Variants in PHGDH observed in about 807,000 individuals in gnomAD.
The protein encoded by PHGDH is D-3-phosphoglycerate dehydrogenase.
Under a neutral mutation model 52.6 loss-of-function variants are expected in PHGDH, and 50 were observed. The ratio of observed to expected loss-of-function variants is 0.95; its 90% CI spans 0.76 to 1.20. PHGDH has a LOEUF of 1.20. PHGDH is among the 50% of genes most tolerant of loss of function. The pLI is 0.00. For synonymous variants in PHGDH, 271 were observed against 280.5 expected (o/e 0.97, Z 0.34); for missense variants, 630 against 684.6 (o/e 0.92, Z 0.89).
chr1:119,734,192 A>G (rs1013469442), intron 5 of PHGDH: 11 of 316,482 alleles, frequency 3.5e-5, no homozygotes, highest in Non-Finnish European at 6.7e-5. Context: ...TCCGCTCCCT[A>G]CATGACTGCC....
chr1:119,741,187 G>A (rs1047696481), intron 9 of PHGDH, among the ~76,000 whole-genome samples: 11 of 152,152 alleles, frequency 7.2e-5, no homozygotes, highest in African/African-American at 1.7e-4. Context: ...CCTTAACCCT[G>A]TAGACGTGTA....
intron 1 of PHGDH, 136 bp from the exon 2 acceptor site, chr1:119,721,032 CTA>C: frequency 1.2e-6 from 1 of 823,220 alleles, no homozygotes; most frequent in Non-Finnish European, 2.2e-6. Context: ...CCAAAGATAT[CTA>C]TGAACTGGCA....
chr1:119,724,320 C>A (rs1651299968), intron 3 of PHGDH: 1 of 194,662 alleles, frequency 5.1e-6, no homozygotes, highest in Non-Finnish European at 1.1e-5. Context: ...TCTACTCAGG[C>A]CTGAAACCTT....
chr1:119,736,910 C>T (rs1651963879), intron 7 of PHGDH, among the ~76,000 whole-genome samples: 1 of 152,262 alleles, frequency 6.6e-6, no homozygotes, highest in African/African-American at 2.4e-5. Context: ...ATCTGGTTCA[C>T]ACTTTGTGCT....
At chr1:119,712,483 C>T in intron 1 of PHGDH, 1 of 377,156 alleles carries the variant, frequency 2.7e-6, no homozygotes, top group South Asian at 2.2e-5. Flanking sequence ...CAGCGCGGCG[C>T]CCCAGCGCCT....
At chr1:119,725,196 G>A (rs1651352207) in intron 3 of PHGDH, among the ~76,000 whole-genome samples, 2 of 152,304 alleles carry the variant, frequency 1.3e-5, no homozygotes, top group South Asian at 4.2e-4. Flanking sequence ...TTTAATTATT[G>A]TGAGGACCCT....
Position 119,734,755 on chromosome 1 carries a change from C to G in PHGDH, c.632C>G (p.Pro211Arg). 1 of 1,614,160 alleles carries G rather than the reference C, an allele frequency of 6.2e-7. No individual in the cohort carries two copies. Among genetic ancestry groups the G allele is most frequent in the Non-Finnish European group, 8.5e-7 (1 of 1,180,026 alleles). Residue 211 changes from proline (P) to arginine (R), a missense_variant, in exon 6 of 12, where the codon CCC becomes CGC. Coordinates refer to ENST00000641023, the MANE Select transcript of PHGDH (RefSeq NM_006623.4). The part of the protein sequence containing the change: ...DFITVHTPLL[P>R]STTGLLNDNT... The stretch of plus-strand genomic sequence containing the variant: ...ATCACTGTGCACACTCCTCTCCTGC[C>G]CTCCACGACAGGTAGGTGTGTCCTT...
chr1:119,720,849 G>T (rs1651116186), intron 1 of PHGDH: 2 of 391,100 alleles, frequency 5.1e-6, no homozygotes, highest in East Asian at 6.0e-5. Flanking sequence ...CATCCAGGCT[G>T]CAGGCATCAT....
chr1:119,721,136 G>A, intron 1 of PHGDH, 34 bp from the exon 2 acceptor site: 9 of 1,610,482 alleles, frequency 5.6e-6, no homozygotes, highest in Non-Finnish European at 7.6e-6. Context: ...CTCACAGAAT[G>A]ACTTTCTGGA....
At chr1:119,735,028 G>T in intron 6 of PHGDH, 1 of 621,410 alleles carries the variant, frequency 1.6e-6, no homozygotes, top group Non-Finnish European at 2.8e-6. Flanking sequence ...CCCCTGCAGG[G>T]CTTTCTGATT....
At chr1:119,714,967 A>T (rs1042670550) in intron 1 of PHGDH, among the ~76,000 whole-genome samples, 4 of 152,250 alleles carry the variant, frequency 2.6e-5, no homozygotes, top group African/African-American at 9.6e-5. Flanking sequence ...CAGTCAAAAA[A>T]GTTTGGAAAA....
intron 5 of PHGDH, chr1:119,734,372 T>A: frequency 2.2e-6 from 1 of 452,262 alleles, no homozygotes; most frequent in South Asian, 2.0e-5. Context: ...TTCCCTCAGC[T>A]CTCAAGCAGA....
chr1:119,723,438 C>T lies in PHGDH; in HGVS notation c.353C>T (p.Ala118Val), dbSNP rs780272429. ...ACTTGTGGAATGATCATGTGCCTGGCCAGGTAAGTCCCTGACTTCTCAGCA... is the reference window on the plus strand; with the variant it reads ...ACTTGTGGAATGATCATGTGCCTGGTCAGGTAAGTCCCTGACTTCTCAGCA... ...ELTCGMIMCL[A>V]RQIPQATASM... The change falls in exon 3 of 12, where the codon GCC becomes GTC. Residue 118 changes from alanine to valine, a missense_variant. Transcript: ENST00000641023. The T allele has an allele frequency of 1.6e-5, 26 of 1,611,552 alleles. No individual in the cohort carries two copies. In the East Asian group the frequency reaches 5.4e-4, roughly 33 times the overall value.
chr1:119,742,387 C>T, intron 10 of PHGDH: 1 of 374,100 alleles, frequency 2.7e-6, no homozygotes, highest in Non-Finnish European at 5.0e-6. Context: ...TGGGAGCTGG[C>T]AGAAGGGATA....
At chr1:119,721,899 T>C (rs1651184508) in intron 2 of PHGDH, among the ~76,000 whole-genome samples, 1 of 152,240 alleles carries the variant, frequency 6.6e-6, no homozygotes, top group South Asian at 2.1e-4. Context: ...AAGCTGTTTC[T>C]GCAGAAACAC....
intron 5 of PHGDH, among the ~76,000 whole-genome samples, chr1:119,733,812 T>C (rs2101193252): frequency 6.6e-6 from 1 of 152,300 alleles, no homozygotes; most frequent in Non-Finnish European, 1.5e-5. Flanking sequence ...TGTCTAATCC[T>C]GGGCTCACTC....
intron 7 of PHGDH, 98 bp from the exon 8 acceptor site, chr1:119,737,016 C>T: frequency 1.7e-6 from 2 of 1,192,860 alleles, no homozygotes; most frequent in South Asian, 2.4e-5. Context: ...ACCAGAACTC[C>T]TGACTGCCTT....
intron 7 of PHGDH, 99 bp downstream of exon 7, chr1:119,735,542 C>A: frequency 8.4e-7 from 1 of 1,191,112 alleles, no homozygotes; most frequent in Non-Finnish European, 1.2e-6. Context: ...AAGCCTCTAG[C>A]TTATTGTCTC....
chr1:119,733,253 C>G (rs1309241037), intron 5 of PHGDH, among the ~76,000 whole-genome samples: 10 of 152,184 alleles, frequency 6.6e-5, no homozygotes, highest in African/African-American at 1.7e-4. Flanking sequence ...GATCCAGAGG[C>G]TTCACCTTAA....
Sources: allele counts gnomAD v4.1 joint callset (sites outside exome capture counted in the v4.1 genomes callset), GRCh38; gene constraint gnomAD v4.1.1; transcripts MANE v1.5; gene names NCBI Gene and HGNC (gene_info 2026-07-23, HGNC 2026-07-21).